The following MDGA2 variants were observed in gnomAD, a reference collection of about 807,000 sequenced individuals.
MDGA2 encodes the protein MAM domain containing glycosylphosphatidylinositol anchor 2.
MDGA2 carries 40 observed loss-of-function variants against 117.8 expected under a neutral mutation model. The observed-to-expected ratio is 0.34, with a 90% confidence interval of 0.26 to 0.44. MDGA2 has a LOEUF of 0.44. Among genes scored for constraint, MDGA2 ranks in the 20% least tolerant of loss-of-function variants. MDGA2 has a pLI of 1.00. For synonymous variants in MDGA2, 452 were observed against 439.0 expected (o/e 1.03, Z -0.37); for missense variants, 1,123 against 1,250.6 (o/e 0.90, Z 1.54).
At chr14:47,128,508 A>G (rs1882019150) in intron 5 of MDGA2, among the ~76,000 whole-genome samples, 1 of 152,142 alleles carries the variant, frequency 6.6e-6, no homozygotes, top group African/African-American at 2.4e-5. Flanking sequence ...AAAATTAGTT[A>G]TAAGGCACAA....
At chr14:47,399,577 A>G (rs1183009666) in intron 1 of MDGA2, among the ~76,000 whole-genome samples, 1 of 152,180 alleles carries the variant, frequency 6.6e-6, no homozygotes, top group African/African-American at 2.4e-5. Context: ...ATAGCATGGC[A>G]TGGCATCGTG....
chr14:47,592,706 A>G (rs1185752897), intron 1 of MDGA2, among the ~76,000 whole-genome samples: 1 of 152,092 alleles, frequency 6.6e-6, no homozygotes, highest in African/African-American at 2.4e-5. Context: ...AAACTGAACC[A>G]TTTCCTTACA....
chr14:47,013,550 C>T (rs1481349013), intron 8 of MDGA2, among the ~76,000 whole-genome samples: 1 of 151,742 alleles, frequency 6.6e-6, no homozygotes, highest in Non-Finnish European at 1.5e-5. Flanking sequence ...TTGACCTCCT[C>T]TTATGAATTA....
intron 1 of MDGA2, among the ~76,000 whole-genome samples, chr14:47,349,577 G>T (rs1439354231): frequency 6.6e-6 from 1 of 151,888 alleles, no homozygotes; most frequent in African/African-American, 2.4e-5. Flanking sequence ...ATCTTTCTTT[G>T]GCACAAAGCC....
intron 10 of MDGA2, among the ~76,000 whole-genome samples, chr14:46,904,383 T>C (rs957985969): frequency 1.3e-5 from 2 of 151,436 alleles, no homozygotes; most frequent in Middle Eastern, 3.4e-3. Flanking sequence ...AAGCCAATTT[T>C]ATTTTAAATA....
chr14:47,612,339 T>C (rs1277662499), intron 1 of MDGA2, among the ~76,000 whole-genome samples: 1 of 152,100 alleles, frequency 6.6e-6, no homozygotes, highest in Admixed American at 6.6e-5. Flanking sequence ...TTCAATAGAA[T>C]TCATGTAATT....
intron 12 of MDGA2, among the ~76,000 whole-genome samples, chr14:46,876,508 T>C (rs146735162): frequency 6.6e-6 from 1 of 151,734 alleles, no homozygotes; most frequent in East Asian, 1.9e-4. Flanking sequence ...CACAAAGATA[T>C]AGAACTGAGA....
At chr14:47,061,057 T>C (rs868107822) in intron 7 of MDGA2, among the ~76,000 whole-genome samples, 192 bp downstream of exon 7, 58 of 152,060 alleles carry the variant, frequency 3.8e-4, no homozygotes, top group African/African-American at 1.2e-3. Context: ...TAAAATCTTA[T>C]GTAAATCTAA....
rs184495450 is a variant in MDGA2 at position 47,401,568 on chromosome 14, G to A, written c.281-100018C>T. Among the ~76,000 whole-genome samples, 57 of 152,312 alleles carry A rather than the reference G, an allele frequency of 3.7e-4. No individual in the cohort carries two copies. The East Asian group carries it at 0.01, about 28-fold the overall frequency. On this transcript the variant is annotated intron_variant, in intron 1 of 16. Coordinates refer to ENST00000399232, the MANE Select transcript of MDGA2 (RefSeq NM_001113498.3). ...TTGGTTATGTTTGCACATCAACACT[G>A]AATGATTAAATCAAATAAAACTGTG...
At chr14:47,298,687 T>C (rs60019432) in intron 2 of MDGA2, among the ~76,000 whole-genome samples, 31,305 of 125,096 alleles carry the variant, frequency 0.25, 4,099 homozygotes, top group East Asian at 0.47. Context: ...ATTTTTCTTT[T>C]TTTTTTTTTT....
chr14:47,184,906 T>C (rs1197756786), intron 3 of MDGA2, among the ~76,000 whole-genome samples: 1 of 151,042 alleles, frequency 6.6e-6, no homozygotes, highest in Non-Finnish European at 1.5e-5. Flanking sequence ...AAAAATAGAA[T>C]GTGTGAATTT....
chr14:47,671,769 T>C (rs1254828229), intron 1 of MDGA2, among the ~76,000 whole-genome samples: 2 of 152,214 alleles, frequency 1.3e-5, no homozygotes, highest in Non-Finnish European at 2.9e-5. Context: ...ATATAAAATG[T>C]TCAAAACACA....
At chr14:47,077,487 A>C (rs1347947184) in intron 6 of MDGA2, among the ~76,000 whole-genome samples, 1 of 152,064 alleles carries the variant, frequency 6.6e-6, no homozygotes, top group African/African-American at 2.4e-5. Flanking sequence ...TTCTGGGCTC[A>C]GCATGATCGC....
chr14:46,897,560 A>G (rs908614339), intron 10 of MDGA2, among the ~76,000 whole-genome samples: 1 of 151,560 alleles, frequency 6.6e-6, no homozygotes, highest in Non-Finnish European at 1.5e-5. Flanking sequence ...TGTTCTCCTT[A>G]TATGTTAAAG....
chr14:47,556,765 C>A (rs916360437), intron 1 of MDGA2, among the ~76,000 whole-genome samples: 22 of 152,196 alleles, frequency 1.4e-4, no homozygotes, highest in Non-Finnish European at 1.8e-4. Flanking sequence ...AGCTCTATGG[C>A]ACTTTTACTA....
chr14:47,050,486 T>C (rs1458416001), intron 7 of MDGA2, among the ~76,000 whole-genome samples: 1 of 151,992 alleles, frequency 6.6e-6, no homozygotes, highest in Non-Finnish European at 1.5e-5. Context: ...AACTGCATGC[T>C]TACAATTTAT....
At chr14:46,897,182 TCTA>T (rs2138434040) in intron 10 of MDGA2, among the ~76,000 whole-genome samples, 1 of 152,292 alleles carries the variant, frequency 6.6e-6, no homozygotes, top group African/African-American at 2.4e-5. Context: ...ATTATTGTTC[TCTA>T]CTAACATACT....
intron 14 of MDGA2, among the ~76,000 whole-genome samples, chr14:46,861,457 A>G (rs1345127249): frequency 6.6e-6 from 1 of 151,772 alleles, no homozygotes; most frequent in East Asian, 1.9e-4. Flanking sequence ...AGTTATTTCT[A>G]TTTATGTTTG....
intron 1 of MDGA2, among the ~76,000 whole-genome samples, chr14:47,520,789 A>C (rs988260485): frequency 1.1e-4 from 16 of 152,346 alleles, no homozygotes; most frequent in African/African-American, 3.8e-4. Flanking sequence ...ATATGATTCC[A>C]ATCTATTAGA....
Sources: gnomAD v4.1 joint callset for allele counts (sites outside exome capture counted in the v4.1 genomes callset) on GRCh38, gnomAD v4.1.1 for gene constraint, MANE v1.5 for transcripts, NCBI Gene and HGNC (gene_info 2026-07-23, HGNC 2026-07-21) for gene names.